The following RAD51B variants were observed in gnomAD, a reference collection of about 807,000 sequenced individuals.
RAD51B encodes the protein RAD51 paralog B.
In RAD51B, 38 loss-of-function variants were observed where a neutral mutation model predicts 42.2. That is an observed-to-expected ratio of 0.90 (90% CI 0.70 to 1.18). The LOEUF is 1.18. Ranked by LOEUF, RAD51B falls within the 50% of genes most tolerant of loss-of-function variation. The pLI, the probability that RAD51B is intolerant of heterozygous loss-of-function variation, is 0.00. For missense variants in RAD51B, 373 were observed against 400.7 expected, an observed-to-expected ratio of 0.93 and a Z score of 0.59; for synonymous variants, 154 against 145.2, an observed-to-expected ratio of 1.06 and a Z score of -0.43.
At chr14:68,006,197 G>T (rs760488933) in intron 7 of RAD51B, among the ~76,000 whole-genome samples, 8 of 152,138 alleles carry the variant, frequency 5.3e-5, no homozygotes, top group Admixed American at 6.6e-5. Context: ...TCAAGTTTTT[G>T]TCCATTTGAG....
chr14:68,415,746 A>AT (rs1369628999), intron 9 of RAD51B, among the ~76,000 whole-genome samples: 6 of 152,236 alleles, frequency 3.9e-5, no homozygotes. Flanking sequence ...AAGGCTGGTT[A>AT]TACTTGAAAG....
intron 7 of RAD51B, among the ~76,000 whole-genome samples, chr14:68,072,475 G>A (rs1374934936): frequency 6.6e-6 from 1 of 151,920 alleles, no homozygotes; most frequent in African/African-American, 2.4e-5. Context: ...GGCTCATCTC[G>A]TCACTTCATG....
intron 10 of RAD51B, among the ~76,000 whole-genome samples, chr14:68,649,100 G>A (rs1892645988): frequency 6.6e-6 from 1 of 152,186 alleles, no homozygotes; most frequent in Non-Finnish European, 1.5e-5. Context: ...TGAGTCCTCT[G>A]GGGAAAAGTT....
At chr14:68,607,707 T>C (rs1487559319) in intron 10 of RAD51B, among the ~76,000 whole-genome samples, 1 of 152,202 alleles carries the variant, frequency 6.6e-6, no homozygotes, top group Admixed American at 6.5e-5. Context: ...TCTTCTGCTG[T>C]GGACAGATAC....
At chr14:68,043,062 A>C (rs542519588) in intron 7 of RAD51B, among the ~76,000 whole-genome samples, 3 of 152,002 alleles carry the variant, frequency 2.0e-5, no homozygotes, top group African/African-American at 4.8e-5. Flanking sequence ...AAAAAAAAAA[A>C]CTCTCTCAAC....
At chr14:67,897,652 T>C (rs2043467282) in intron 7 of RAD51B, among the ~76,000 whole-genome samples, 2 of 124,148 alleles carry the variant, frequency 1.6e-5, no homozygotes, top group Admixed American at 1.5e-4. Flanking sequence ...CCTTGTTCAC[T>C]TTTTTTTTTT....
chr14:68,116,767 C>T (rs1391670501), intron 7 of RAD51B, among the ~76,000 whole-genome samples: 1 of 152,052 alleles, frequency 6.6e-6, no homozygotes, highest in African/African-American at 2.4e-5. Context: ...GTTCTATGTC[C>T]TATTGAATTG....
chr14:67,921,635 C>G (rs2044330147), intron 7 of RAD51B, among the ~76,000 whole-genome samples: 1 of 143,734 alleles, frequency 7.0e-6, no homozygotes, highest in Non-Finnish European at 1.5e-5. Context: ...TTTGTGGTTA[C>G]TAAACAGTCT....
At chr14:67,835,338 C>G in intron 4 of RAD51B, 142 bp downstream of exon 4, 1 of 663,410 alleles carries the variant, frequency 1.5e-6, no homozygotes, top group Non-Finnish European at 2.6e-6. Context: ...TGGTTCTCCA[C>G]TCAGTACTTA....
At chr14:68,271,461 A>G (rs2081102525) in intron 7 of RAD51B, among the ~76,000 whole-genome samples, 1 of 152,208 alleles carries the variant, frequency 6.6e-6, no homozygotes, top group Non-Finnish European at 1.5e-5. Context: ...CATTTTTCTC[A>G]TCTATAAAAT....
chr14:68,340,584 C>G (rs1327417564), intron 8 of RAD51B, among the ~76,000 whole-genome samples: 1 of 152,218 alleles, frequency 6.6e-6, no homozygotes, highest in African/African-American at 2.4e-5. Flanking sequence ...CCTTCTGTAA[C>G]CTCAGGATGA....
At chr14:68,648,072 T>TATATACAC (rs1595045658) in intron 10 of RAD51B, among the ~76,000 whole-genome samples, 6 of 113,418 alleles carry the variant, frequency 5.3e-5, no homozygotes, top group Non-Finnish European at 1.1e-4. Flanking sequence ...TATATATATA[T>TATATACAC]ACACGTATAT....
intron 7 of RAD51B, among the ~76,000 whole-genome samples, chr14:68,207,674 A>T (rs1432134337): frequency 8.5e-5 from 13 of 152,194 alleles, no homozygotes; most frequent in Non-Finnish European, 1.8e-4. Context: ...GAGTGAAGTC[A>T]AAGAAGCAGG....
chr14:67,933,097 T>C (rs1283017432), intron 7 of RAD51B, among the ~76,000 whole-genome samples: 1 of 152,208 alleles, frequency 6.6e-6, no homozygotes, highest in African/African-American at 2.4e-5. Flanking sequence ...TATGGCAATA[T>C]GCAGAGAAGG....
At chr14:67,826,721 T>G (rs1308366441) in intron 3 of RAD51B, among the ~76,000 whole-genome samples, 4 of 152,190 alleles carry the variant, frequency 2.6e-5, no homozygotes, top group Non-Finnish European at 5.9e-5. Context: ...CTGTCTCTAT[T>G]TCTCTGGCTG....
intron 10 of RAD51B, among the ~76,000 whole-genome samples, chr14:68,633,058 A>T (rs1339436318): frequency 1.6e-5 from 2 of 122,680 alleles, no homozygotes; most frequent in African/African-American, 6.5e-5. Context: ...GGCTCAAGTG[A>T]TCCTCCTGTC....
intron 7 of RAD51B, among the ~76,000 whole-genome samples, chr14:68,027,462 C>T (rs1463337499): frequency 6.6e-6 from 1 of 152,090 alleles, no homozygotes; most frequent in Non-Finnish European, 1.5e-5. Flanking sequence ...TTTTCTCACT[C>T]AGGAATGCCA....
At chr14:68,155,854 G>A (rs914290475) in intron 7 of RAD51B, among the ~76,000 whole-genome samples, 1 of 152,142 alleles carries the variant, frequency 6.6e-6, no homozygotes, top group African/African-American at 2.4e-5. Context: ...GATTGATGAG[G>A]CCCTCAGAGC....
In RAD51B at chr14:68,381,029, G is replaced by A. The variant is rs139787021; in HGVS notation, c.854-30395G>A. On this transcript the variant is annotated intron_variant, in intron 8 of 10. Coordinates refer to ENST00000471583, the MANE Select transcript of RAD51B (RefSeq NM_133510.4). ...ATATAGAGCCATGAATCTTAGCCAT[G>A]AAATCATGTTCACATTTATTACAAA... is the stretch of plus-strand genomic sequence containing the variant. Among the ~76,000 whole-genome samples, 466 of 152,348 alleles carry A rather than the reference G, an allele frequency of 3.1e-3. 1 individual carries two copies. Among genetic ancestry groups the A allele is most frequent in the Middle Eastern group, 0.024 (7 of 294 alleles).
Sources: allele counts gnomAD v4.1 joint callset (sites outside exome capture counted in the v4.1 genomes callset), GRCh38; gene constraint gnomAD v4.1.1; transcripts MANE v1.5; gene names NCBI Gene and HGNC (gene_info 2026-07-23, HGNC 2026-07-21).